The following ARB2A variants were observed in gnomAD, a reference collection of about 807,000 sequenced individuals.
ARB2A encodes cotranscriptional regulator ARB2A.
At chr5:94,052,602 T>C in the ARB2A span, among the ~76,000 whole-genome samples, 1 of 152,348 alleles carries the variant, frequency 6.6e-6, no homozygotes, top group East Asian at 1.9e-4. Flanking sequence ...AGAAACATCC[T>C]TGCAATCTAC....
the ARB2A span, among the ~76,000 whole-genome samples, chr5:93,847,451 C>G: frequency 6.6e-6 from 1 of 151,948 alleles, no homozygotes; most frequent in African/African-American, 2.4e-5. Context: ...TAAAAAATTT[C>G]TCATGTATAG....
chr5:93,811,841 C>A, the ARB2A span, among the ~76,000 whole-genome samples: 1 of 152,106 alleles, frequency 6.6e-6, no homozygotes, highest in African/African-American at 2.4e-5. Context: ...CCTTCTGATT[C>A]GCAAGAGACT....
At chr5:93,791,878 C>T in the ARB2A span, among the ~76,000 whole-genome samples, 6 of 151,544 alleles carry the variant, frequency 4.0e-5, no homozygotes, top group Non-Finnish European at 8.8e-5. Context: ...CATGCTGCCA[C>T]GTGCAAGCTC....
At chr5:93,726,601 T>A in the ARB2A span, among the ~76,000 whole-genome samples, 1 of 152,014 alleles carries the variant, frequency 6.6e-6, no homozygotes, top group Non-Finnish European at 1.5e-5. Context: ...AGAGTTTGAG[T>A]CCCAGGATCT....
the ARB2A span, chr5:93,734,316 T>C: frequency 6.6e-6 from 1 of 152,126 alleles, no homozygotes; most frequent in Admixed American, 6.5e-5. Flanking sequence ...CTAGAAAATA[T>C]AGATTCAAAG....
At chr5:93,742,162 C>G in the ARB2A span, among the ~76,000 whole-genome samples, 2 of 152,086 alleles carry the variant, frequency 1.3e-5, no homozygotes. Flanking sequence ...CCGACCCCAC[C>G]CCCAAACTGC....
At chr5:93,912,631 CA>C in the ARB2A span, among the ~76,000 whole-genome samples, 11 of 151,148 alleles carry the variant, frequency 7.3e-5, no homozygotes, top group South Asian at 6.3e-4. Flanking sequence ...CCATGATAAA[CA>C]AAAAAAACTT....
chr5:93,633,307 G>A, the ARB2A span, among the ~76,000 whole-genome samples: 1 of 152,106 alleles, frequency 6.6e-6, no homozygotes, highest in Non-Finnish European at 1.5e-5. Flanking sequence ...TCAGTCTTCA[G>A]TCTCTCCCCT....
At chr5:94,100,509 G>A in the ARB2A span, among the ~76,000 whole-genome samples, 5 of 152,086 alleles carry the variant, frequency 3.3e-5, no homozygotes, top group African/African-American at 1.2e-4. Context: ...AACAAAGCTG[G>A]AGGTATCATG....
the ARB2A span, among the ~76,000 whole-genome samples, chr5:93,721,865 G>A: frequency 1.7e-4 from 26 of 152,118 alleles, no homozygotes; most frequent in African/African-American, 6.0e-4. Context: ...TGACTTCTTG[G>A]ATAGAAGAAA....
At chr5:93,837,350 T>A in the ARB2A span, among the ~76,000 whole-genome samples, 63 of 152,288 alleles carry the variant, frequency 4.1e-4, no homozygotes, top group Non-Finnish European at 1.5e-4. Context: ...AAATTTTCCT[T>A]CTGCAGTCTA....
chr5:93,981,512 C>G, the ARB2A span, among the ~76,000 whole-genome samples: 1 of 151,948 alleles, frequency 6.6e-6, no homozygotes, highest in Admixed American at 6.6e-5. Flanking sequence ...TATTTTTAAT[C>G]ATTTATTAAT....
chr5:93,741,266 G>A, the ARB2A span: 1 of 1,613,896 alleles, frequency 6.2e-7, no homozygotes, highest in Non-Finnish European at 8.5e-7. Flanking sequence ...GGCCCCGGGA[G>A]GGCGCCTTCG....
At chr5:94,039,946 G>T in the ARB2A span, among the ~76,000 whole-genome samples, 2 of 152,100 alleles carry the variant, frequency 1.3e-5, no homozygotes, top group East Asian at 3.9e-4. Flanking sequence ...AAGTGGTTGG[G>T]TACCCGAGTA....
chr5:93,635,306 T>A, the ARB2A span, among the ~76,000 whole-genome samples: 1 of 152,168 alleles, frequency 6.6e-6, no homozygotes, highest in African/African-American at 2.4e-5. Context: ...TAGTTAAGCA[T>A]TGAGATAGTA....
the ARB2A span, among the ~76,000 whole-genome samples, chr5:94,076,749 T>G: frequency 1.3e-5 from 2 of 152,290 alleles, no homozygotes; most frequent in South Asian, 4.1e-4. Flanking sequence ...CAGCACCCTT[T>G]GCTAAATATT....
chr5:93,781,804 T>A, the ARB2A span: 1 of 819,606 alleles, frequency 1.2e-6, no homozygotes, highest in South Asian at 5.6e-5. Context: ...TTCATATGTT[T>A]ATTGGCCACT....
the ARB2A span, among the ~76,000 whole-genome samples, chr5:93,984,580 AT>A: frequency 2.0e-5 from 3 of 152,156 alleles, no homozygotes; most frequent in Middle Eastern, 3.2e-3. Flanking sequence ...ATTGTCTTCA[AT>A]TCCCCAAAAC....
At chr5:93,856,938 G>A in the ARB2A span, among the ~76,000 whole-genome samples, 2 of 151,972 alleles carry the variant, frequency 1.3e-5, no homozygotes, top group African/African-American at 4.8e-5. Flanking sequence ...CTTTGATGAT[G>A]GTGATGTACA....
Sources: gnomAD v4.1 joint callset for allele counts (sites outside exome capture counted in the v4.1 genomes callset) on GRCh38, gnomAD v4.1.1 for gene constraint, MANE v1.5 for transcripts, NCBI Gene and HGNC (gene_info 2026-07-23, HGNC 2026-07-21) for gene names.